The following IDNK variants were observed in gnomAD, a reference collection of about 807,000 sequenced individuals.
IDNK encodes IDNK gluconokinase.
Under a neutral mutation model 13.0 loss-of-function variants are expected in IDNK, and 9 were observed. The ratio of observed to expected loss-of-function variants is 0.69; its 90% CI spans 0.42 to 1.21. The LOEUF is 1.21. Ranked by LOEUF, IDNK falls within the 50% of genes most tolerant of loss-of-function variation. The pLI, the probability that IDNK is intolerant of heterozygous loss-of-function variation, is 0.00. For synonymous variants in IDNK, 92 were observed against 94.9 expected (o/e 0.97, Z 0.18); for missense variants, 210 against 237.8 (o/e 0.88, Z 0.77).
At chr9:83,632,074 T>C (rs1831032943) in intron 3 of IDNK, among the ~76,000 whole-genome samples, 2 of 152,202 alleles carry the variant, frequency 1.3e-5, no homozygotes, top group Non-Finnish European at 2.9e-5. Flanking sequence ...TATATCACCC[T>C]TGGTCTCATC....
At chr9:83,623,091 G>C, upstream of IDNK, 1 of 1,190,442 alleles carries the variant, frequency 8.4e-7, no homozygotes, top group South Asian at 1.9e-5. Flanking sequence ...GCCGGGGCGA[G>C]AGCGGCTCCG....
intron 3 of IDNK, among the ~76,000 whole-genome samples, chr9:83,635,111 GTTGAC>G (rs1831129038): frequency 1.3e-5 from 2 of 152,298 alleles, no homozygotes; most frequent in African/African-American, 4.8e-5. Flanking sequence ...GAAAAGGCTG[GTTGAC>G]TACCCAGCTG....
At chr9:83,624,288 T>G (rs571405697) in intron 1 of IDNK, among the ~76,000 whole-genome samples, 2 of 152,204 alleles carry the variant, frequency 1.3e-5, no homozygotes, top group Non-Finnish European at 2.9e-5. Context: ...TCTGGCTGTG[T>G]GAGCCTGGGC....
rs148312901 is a variant in IDNK at position 83,636,208 on chromosome 9, T to C, written c.169-5340T>C. ...GAATTACTCAAACTTAGAATGATCA[T>C]ATCTAGGGTATTGGACCAAAAGCAC... On this transcript the variant is annotated intron_variant, in intron 3 of 4. Coordinates refer to ENST00000376419, the MANE Select transcript of IDNK (RefSeq NM_001001551.4). Among the ~76,000 whole-genome samples, 1,186 of 152,220 alleles carry C rather than the reference T, an allele frequency of 7.8e-3. 6 individuals carry two copies. Among genetic ancestry groups the C allele is most frequent in the Middle Eastern group, 0.017 (5 of 294 alleles).
chr9:83,629,615 C>T (rs551867735), intron 3 of IDNK, among the ~76,000 whole-genome samples: 1 of 152,354 alleles, frequency 6.6e-6, no homozygotes, highest in Non-Finnish European at 1.5e-5. Context: ...CCCTTCTCAT[C>T]CTTTGATCTC....
At chr9:83,631,966 T>G (rs1237945570) in intron 3 of IDNK, among the ~76,000 whole-genome samples, 1 of 147,832 alleles carries the variant, frequency 6.8e-6, no homozygotes, top group Non-Finnish European at 1.5e-5. Flanking sequence ...GGGCTTTTTT[T>G]GGGAAAAAAA....
At chr9:83,632,169 T>C (rs902619260) in intron 3 of IDNK, among the ~76,000 whole-genome samples, 13 of 150,590 alleles carry the variant, frequency 8.6e-5, no homozygotes, top group African/African-American at 3.1e-4. Flanking sequence ...TACTTAACTT[T>C]TGCATCAGGT....
intron 3 of IDNK, among the ~76,000 whole-genome samples, chr9:83,638,149 A>G (rs1224911826): frequency 1.3e-5 from 2 of 152,152 alleles, no homozygotes; most frequent in East Asian, 1.9e-4. Flanking sequence ...ATCAGAAACT[A>G]TAAACTATAT....
chr9:83,626,616 C>T lies in IDNK; in HGVS notation c.51-1565C>T, dbSNP rs1184703866. ...ATTTTTAGTTGAGACGGGGTTTTGC[C>T]ATGTTGGCCGAGCTAGTCCCGAACT... On this transcript the variant is annotated intron_variant, in intron 1 of 4. Coordinates refer to ENST00000376419, the MANE Select transcript of IDNK (RefSeq NM_001001551.4). 7 of 877,236 alleles carry T rather than the reference C, an allele frequency of 8.0e-6. No homozygotes were observed. The African/African-American group carries it at 1.2e-4, about 15-fold the overall frequency. The allele number at this position is 877,236 out of a possible 1,614,324, so 54.3% of individuals were successfully genotyped here.
intron 3 of IDNK, among the ~76,000 whole-genome samples, chr9:83,637,645 G>A (rs922377910): frequency 2.0e-5 from 3 of 152,202 alleles, no homozygotes; most frequent in Non-Finnish European, 4.4e-5. Context: ...TGGCAAGGCT[G>A]AACTAAACCA....
chr9:83,629,044 C>A, intron 3 of IDNK, 85 bp downstream of exon 3: 1 of 1,066,114 alleles, frequency 9.4e-7, no homozygotes. Flanking sequence ...TAGTAGAGTT[C>A]GTGAGTCCTA....
chr9:83,630,786 T>C (rs926787225), intron 3 of IDNK, among the ~76,000 whole-genome samples: 1 of 152,246 alleles, frequency 6.6e-6, no homozygotes, highest in African/African-American at 2.4e-5. Flanking sequence ...ATTTCTGTAG[T>C]CTTCCTCTTC....
chr9:83,640,659 T>G (rs1023525217), intron 3 of IDNK, among the ~76,000 whole-genome samples: 2 of 152,224 alleles, frequency 1.3e-5, no homozygotes, highest in Non-Finnish European at 2.9e-5. Flanking sequence ...CTGACCAACA[T>G]GGAGAAACCC....
At chr9:83,637,077 T>C (rs1285323964) in intron 3 of IDNK, among the ~76,000 whole-genome samples, 1 of 152,208 alleles carries the variant, frequency 6.6e-6, no homozygotes, top group Non-Finnish European at 1.5e-5. Context: ...CTGTTGTGAT[T>C]TGAGTAATGA....
chr9:83,625,144 T>C (rs1391471215), intron 1 of IDNK, among the ~76,000 whole-genome samples: 3 of 152,146 alleles, frequency 2.0e-5, no homozygotes, highest in Non-Finnish European at 2.9e-5. Context: ...ATTTTGAAGG[T>C]AGAGTCAGAA....
chr9:83,623,678 G>A (rs1274930933), intron 1 of IDNK, among the ~76,000 whole-genome samples: 1 of 152,234 alleles, frequency 6.6e-6, no homozygotes, highest in Non-Finnish European at 1.5e-5. Flanking sequence ...CCTCCTATGA[G>A]GCCCTGGACT....
chr9:83,628,518 A>C (rs1830923491), intron 2 of IDNK, among the ~76,000 whole-genome samples: 1 of 152,118 alleles, frequency 6.6e-6, no homozygotes. Flanking sequence ...GCATGGTTGC[A>C]CGCGCCTACT....
chr9:83,643,306 C>T (rs1831364835), intron 4 of IDNK, 123 bp from the exon 5 acceptor site: 1 of 720,206 alleles, frequency 1.4e-6, no homozygotes, highest in East Asian at 2.7e-5. Context: ...GCTTAAACAC[C>T]ATTTTCTAAT....
chr9:83,624,712 T>G lies in IDNK; in HGVS notation c.50+1491T>G, dbSNP rs369894189. On this transcript the variant is annotated intron_variant, in intron 1 of 4. Coordinates refer to ENST00000376419, the MANE Select transcript of IDNK (RefSeq NM_001001551.4). ...CTGAGGCTTAGCTTCTTTTGTTTTTTTTTTGTTTTGTTTTGTTTGAGGCGG... is the reference window on the plus strand; with the variant it reads ...CTGAGGCTTAGCTTCTTTTGTTTTTGTTTTGTTTTGTTTTGTTTGAGGCGG... 5.6e-3 allele frequency among the ~76,000 whole-genome samples: 847 copies of G among 151,492 alleles called. 7 individuals are homozygous for G. The highest frequency in any genetic ancestry group is 0.015 in the African/African-American group (605 of 41,242).
Sources: allele counts gnomAD v4.1 joint callset (sites outside exome capture counted in the v4.1 genomes callset), GRCh38; gene constraint gnomAD v4.1.1; transcripts MANE v1.5; gene names NCBI Gene and HGNC (gene_info 2026-07-23, HGNC 2026-07-21).